INTS6: variants seen among roughly 807,000 people sequenced by gnomAD.
The protein encoded by INTS6 is integrator complex subunit 6.
A neutral mutation model predicts 104.9 loss-of-function variants in INTS6; 16 were observed. The ratio of observed to expected loss-of-function variants is 0.15; its 90% CI spans 0.10 to 0.23. The LOEUF (loss-of-function observed/expected upper bound fraction) is 0.23. INTS6 is among the 10% of genes least tolerant of loss of function. The pLI, the probability that INTS6 is intolerant of heterozygous loss-of-function variation, is 1.00. For missense variants in INTS6, 584 were observed against 1,062.8 expected, an observed-to-expected ratio of 0.55 and a Z score of 6.26; for synonymous variants, 324 against 358.7, an observed-to-expected ratio of 0.90 and a Z score of 1.09.
intron 3 of INTS6, chr13:51,449,545 T>G (rs1335551127): frequency 1.0e-6 from 1 of 984,884 alleles, no homozygotes; most frequent in Admixed American, 6.1e-5. Context: ...TGACCACTTA[T>G]GAAATGTGAT....
At chr13:51,347,429 C>T in the INTS6 span, among the ~76,000 whole-genome samples, 1 of 152,164 alleles carries the variant, frequency 6.6e-6, no homozygotes, top group African/African-American at 2.4e-5. Context: ...GGACAGTGTG[C>T]TCTGACAGGA....
At chr13:51,371,080 AC>A (rs1291532328) in intron 15 of INTS6, among the ~76,000 whole-genome samples, 4 of 152,184 alleles carry the variant, frequency 2.6e-5, no homozygotes, top group Non-Finnish European at 4.4e-5. Flanking sequence ...AAGCAGCAGT[AC>A]CACCAACAGA....
At chr13:51,359,377 T>C (rs1041701793), downstream of INTS6, among the ~76,000 whole-genome samples, 1 of 152,134 alleles carries the variant, frequency 6.6e-6, no homozygotes, top group Non-Finnish European at 1.5e-5. Context: ...ATGTCAACTC[T>C]TACCAGAGAT....
intron 4 of INTS6, among the ~76,000 whole-genome samples, chr13:51,422,254 C>G (rs900218039): frequency 6.6e-6 from 1 of 152,040 alleles, no homozygotes; most frequent in African/African-American, 2.4e-5. Flanking sequence ...ACCAAATATC[C>G]ACATAGATGC....
Position 51,383,357 on chromosome 13 carries a change from G to A in INTS6, c.1152C>T (p.Tyr384=), listed in dbSNP as rs1235029634. ...LNCVNLFVMP[Y]NYPVLLPLLD... Reference sequence around the variant, plus strand: ...AGAGGGGAAGAAGGACTGGATAATTGTAAGGCATCACAAATAAGTTGACAC... The same window carrying A: ...AGAGGGGAAGAAGGACTGGATAATTATAAGGCATCACAAATAAGTTGACAC... The change falls in exon 9 of 18, where the codon TAC becomes TAT. Residue 384 remains tyrosine, a synonymous_variant. Transcript: ENST00000311234. 6.2e-7 allele frequency: 1 copy of A among 1,613,342 alleles called. No individual in the cohort carries two copies. Among genetic ancestry groups the A allele is most frequent in the Non-Finnish European group, 8.5e-7 (1 of 1,179,688 alleles).
Position 51,367,915 on chromosome 13 carries a change from C to A in INTS6, c.2477-17G>T, listed in dbSNP as rs1955724414. On this transcript the variant is annotated splice_polypyrimidine_tract_variant and intron_variant, in intron 16 of 17. Transcript: ENST00000311234. Reference sequence around the variant, plus strand: ...TTTCATATTCTTAAAGCAAAAGAAACAAAAAGAAAAATTAAGTGCCTTTCA... The same window carrying A: ...TTTCATATTCTTAAAGCAAAAGAAAAAAAAAGAAAAATTAAGTGCCTTTCA... The A allele has an allele frequency of 6.9e-7, 1 of 1,443,936 alleles. No homozygotes were observed. Among genetic ancestry groups the A allele is most frequent in the Admixed American group, 2.4e-5 (1 of 41,622 alleles). The allele number at this position is 1,443,936 out of a possible 1,614,324, so 89.4% of individuals were successfully genotyped here. A position where few individuals can be genotyped will look rare whatever the true frequency, so the allele number is the denominator to read the frequency against.
At chr13:51,342,471 T>C in the INTS6 span, among the ~76,000 whole-genome samples, 1 of 152,222 alleles carries the variant, frequency 6.6e-6, no homozygotes, top group Non-Finnish European at 1.5e-5. Context: ...GCACAATGTC[T>C]ATGAACACAG....
rs1956287606 is a variant in INTS6, at chr13:51,393,820, C to T, written c.613+1480G>A. On this transcript the variant is annotated intron_variant, in intron 5 of 17. Transcript: ENST00000311234. ...GACTGCTACATGATGTCTCATGGTT[C>T]TTTTCAGACTCTTTGATTACACCAC... Among the ~76,000 whole-genome samples, 3 of 152,168 alleles carry T rather than the reference C, an allele frequency of 2.0e-5. No homozygotes were observed. In the South Asian group the frequency reaches 6.2e-4, roughly 31 times the overall value.
chr13:51,441,248 T>C (rs1219624437), intron 3 of INTS6: 1 of 152,064 alleles, frequency 6.6e-6, no homozygotes, highest in Non-Finnish European at 1.5e-5. Flanking sequence ...AAAAGCAAGA[T>C]TAAAAAAACC....
chr13:51,450,959 G>A (rs1953030160), intron 3 of INTS6, 66 bp downstream of exon 3: 1 of 1,413,298 alleles, frequency 7.1e-7, no homozygotes, highest in African/African-American at 1.4e-5. Flanking sequence ...TGTAGTTTTT[G>A]GACTGGACTG....
At chr13:51,394,706 C>T (rs909262399) in intron 5 of INTS6, among the ~76,000 whole-genome samples, 10 of 152,130 alleles carry the variant, frequency 6.6e-5, no homozygotes, top group African/African-American at 1.2e-4. Context: ...ACAGTAGGCA[C>T]GCAATACATA....
intron 5 of INTS6, among the ~76,000 whole-genome samples, chr13:51,393,173 G>A (rs917229339): frequency 2.7e-5 from 4 of 150,668 alleles, no homozygotes; most frequent in African/African-American, 4.9e-5. Context: ...CACCTCCTGC[G>A]CTCAAGCAAT....
chr13:51,418,732 A>T (rs1031078455), intron 4 of INTS6, among the ~76,000 whole-genome samples: 2 of 152,222 alleles, frequency 1.3e-5, no homozygotes, highest in Non-Finnish European at 2.9e-5. Context: ...AGGAAAGAGC[A>T]ATCACTTGAC....
intron 4 of INTS6, among the ~76,000 whole-genome samples, chr13:51,397,741 A>G (rs1220730396): frequency 1.3e-5 from 2 of 152,158 alleles, no homozygotes; most frequent in Non-Finnish European, 2.9e-5. Flanking sequence ...CTGTTAATGC[A>G]GTTGCTTTGC....
chr13:51,335,906 A>G, the INTS6 span: 1 of 152,196 alleles, frequency 6.6e-6, no homozygotes. Flanking sequence ...TAAAACAACA[A>G]TGTATCTTTT....
intron 12 of INTS6, among the ~76,000 whole-genome samples, chr13:51,376,428 A>G (rs1451328186): frequency 6.6e-6 from 1 of 152,206 alleles, no homozygotes; most frequent in Admixed American, 6.5e-5. Context: ...TTCTGGATAA[A>G]AGAAGTAAAC....
At chr13:51,414,869 C>G (rs534002037) in intron 4 of INTS6, among the ~76,000 whole-genome samples, 4 of 150,590 alleles carry the variant, frequency 2.7e-5, no homozygotes, top group African/African-American at 7.3e-5. Context: ...CACACACACA[C>G]AGTTCTAAGA....
chr13:51,404,063 TACACACACACAC>T (rs71085082), intron 4 of INTS6, among the ~76,000 whole-genome samples: 22 of 109,612 alleles, frequency 2.0e-4, no homozygotes, highest in African/African-American at 2.4e-4. Context: ...TCTCTACAAA[TACACACACACAC>T]ACACACACAC....
At chr13:51,437,765 T>A (rs1952718234) in intron 3 of INTS6, 1 of 152,238 alleles carries the variant, frequency 6.6e-6, no homozygotes, top group African/African-American at 2.4e-5. Flanking sequence ...ATCCAACACT[T>A]TGGGAGGCTG....
Sources: gnomAD v4.1 joint callset for allele counts (sites outside exome capture counted in the v4.1 genomes callset) on GRCh38, gnomAD v4.1.1 for gene constraint, MANE v1.5 for transcripts, NCBI Gene and HGNC (gene_info 2026-07-23, HGNC 2026-07-21) for gene names.